Variants in GLRA3 observed in about 807,000 individuals in gnomAD.
The protein encoded by GLRA3 is glycine receptor subunit alpha-3.
A neutral mutation model predicts 60.4 loss-of-function variants in GLRA3; 44 were observed. The observed-to-expected ratio is 0.73, with a 90% CI of 0.57 to 0.94. The LOEUF is 0.94. Ranked by LOEUF, GLRA3 falls within the 40% of genes least tolerant of loss-of-function variation. The pLI is 0.00. For synonymous variants in GLRA3, 223 were observed against 192.9 expected (o/e 1.16, Z -1.29); for missense variants, 508 against 564.6 (o/e 0.90, Z 1.02).
At chr4:174,671,718 C>T (rs1733915859) in intron 7 of GLRA3, among the ~76,000 whole-genome samples, 1 of 152,076 alleles carries the variant, frequency 6.6e-6, no homozygotes, top group African/African-American at 2.4e-5. Flanking sequence ...GGTGCAATCT[C>T]AGCTCACTGC....
chr4:174,800,524 C>CAA (rs1739766066), intron 1 of GLRA3, among the ~76,000 whole-genome samples: 2 of 151,918 alleles, frequency 1.3e-5, no homozygotes, highest in Non-Finnish European at 2.9e-5. Flanking sequence ...ATTTATTTTC[C>CAA]AATAAACAAC....
intron 3 of GLRA3, among the ~76,000 whole-genome samples, chr4:174,752,534 G>C (rs1449012345): frequency 2.6e-5 from 4 of 152,040 alleles, no homozygotes; most frequent in Non-Finnish European, 5.9e-5. Flanking sequence ...GAGAGAAAGG[G>C]GTGGGTATGA....
chr4:174,656,384 T>G (rs557224677), intron 9 of GLRA3, among the ~76,000 whole-genome samples: 15 of 152,240 alleles, frequency 9.9e-5, no homozygotes, highest in African/African-American at 3.4e-4. Flanking sequence ...AATTTTCCAT[T>G]TATTTTCAAC....
At chr4:174,799,001 C>T (rs1470140486) in intron 1 of GLRA3, among the ~76,000 whole-genome samples, 1 of 151,980 alleles carries the variant, frequency 6.6e-6, no homozygotes. Flanking sequence ...CTACTAGGAT[C>T]TTGATTCTTG....
intron 9 of GLRA3, 25 bp from the exon 10 acceptor site, chr4:174,644,089 C>T: frequency 7.0e-7 from 1 of 1,432,516 alleles, no homozygotes; most frequent in Middle Eastern, 1.8e-4. Flanking sequence ...TGTGACAAGG[C>T]CCTTTAATAA....
At chr4:174,696,956 A>C (rs1023284433) in intron 5 of GLRA3, among the ~76,000 whole-genome samples, 2 of 152,140 alleles carry the variant, frequency 1.3e-5, no homozygotes, top group African/African-American at 4.8e-5. Flanking sequence ...TTTGTTTCTC[A>C]GTTTCTATTC....
chr4:174,690,270 T>C (rs1038082479), intron 5 of GLRA3, among the ~76,000 whole-genome samples: 6 of 152,224 alleles, frequency 3.9e-5, no homozygotes, highest in African/African-American at 7.2e-5. Context: ...CTTTTATATT[T>C]CAGATTAATA....
At chr4:174,656,287 T>C (rs976063019) in intron 9 of GLRA3, among the ~76,000 whole-genome samples, 5 of 152,170 alleles carry the variant, frequency 3.3e-5, no homozygotes, top group African/African-American at 1.2e-4. Flanking sequence ...GAATGGATTC[T>C]AAAGATACAC....
At chr4:174,659,389 A>T (rs144798393) in intron 7 of GLRA3, among the ~76,000 whole-genome samples, 192 bp from the exon 8 acceptor site, 176 of 152,268 alleles carry the variant, frequency 1.2e-3, no homozygotes, top group African/African-American at 3.9e-3. Flanking sequence ...GCATTTTGTT[A>T]ATTTTTTTCA....
At chr4:174,645,222 G>T (rs1732767840) in intron 9 of GLRA3, among the ~76,000 whole-genome samples, 1 of 151,830 alleles carries the variant, frequency 6.6e-6, no homozygotes, top group African/African-American at 2.4e-5. Flanking sequence ...GACCATCTTG[G>T]ACAGTATGCT....
chr4:174,809,692 C>T (rs976066548), intron 1 of GLRA3, among the ~76,000 whole-genome samples: 7 of 151,984 alleles, frequency 4.6e-5, no homozygotes, highest in South Asian at 2.1e-4. Context: ...AAGATTGTGC[C>T]GCTGCACTCC....
intron 5 of GLRA3, among the ~76,000 whole-genome samples, chr4:174,703,428 C>A (rs1292029441): frequency 2.6e-5 from 4 of 152,070 alleles, no homozygotes; most frequent in Non-Finnish European, 4.4e-5. Context: ...TGTACCTTTT[C>A]AAAAAATAGA....
intron 1 of GLRA3, among the ~76,000 whole-genome samples, chr4:174,801,826 T>C (rs975522459): frequency 6.6e-6 from 1 of 152,064 alleles, no homozygotes; most frequent in Admixed American, 6.6e-5. Flanking sequence ...AAAATACTGC[T>C]AAAATGTGTC....
chr4:174,656,180 T>G (rs1184594374), intron 9 of GLRA3, among the ~76,000 whole-genome samples: 1 of 152,144 alleles, frequency 6.6e-6, no homozygotes, highest in Non-Finnish European at 1.5e-5. Flanking sequence ...GACATGTGTC[T>G]TTGTGACCTC....
chr4:174,765,911 AATGACTTATATTGCATAC>A (rs1213000306), intron 3 of GLRA3, among the ~76,000 whole-genome samples: 1 of 151,750 alleles, frequency 6.6e-6, no homozygotes, highest in Admixed American at 6.6e-5. Flanking sequence ...GATGCTGGTA[AATGACTTATATTGCATAC>A]ATGAGGGAAA....
chr4:174,809,288 A>C (rs559744176), intron 1 of GLRA3, among the ~76,000 whole-genome samples: 1 of 152,286 alleles, frequency 6.6e-6, no homozygotes, highest in East Asian at 1.9e-4. Flanking sequence ...CTTGGTGTGC[A>C]GTAGGCTATT....
chr4:174,706,146 C>G (rs182260264), intron 5 of GLRA3, among the ~76,000 whole-genome samples: 44 of 151,812 alleles, frequency 2.9e-4, no homozygotes, highest in Admixed American at 5.3e-4. Context: ...AGGAGAATGG[C>G]GTGAACCCGG....
intron 1 of GLRA3, among the ~76,000 whole-genome samples, chr4:174,802,894 T>C (rs1739882204): frequency 6.6e-6 from 1 of 152,192 alleles, no homozygotes; most frequent in African/African-American, 2.4e-5. Flanking sequence ...ATTCAGGACT[T>C]ACATAAATTA....
At chr4:174,672,841 G>A (rs537874532) in intron 7 of GLRA3, among the ~76,000 whole-genome samples, 34 of 152,104 alleles carry the variant, frequency 2.2e-4, no homozygotes, top group African/African-American at 7.0e-4. Flanking sequence ...TAAGAGCTAG[G>A]GTTTGGATAA....
Sources: gnomAD v4.1 joint callset for allele counts (sites outside exome capture counted in the v4.1 genomes callset) on GRCh38, gnomAD v4.1.1 for gene constraint, MANE v1.5 for transcripts, NCBI Gene and HGNC (gene_info 2026-07-23, HGNC 2026-07-21) for gene names.